POFUT2: variants seen among roughly 807,000 people sequenced by gnomAD.
The protein encoded by POFUT2 is protein O-fucosyltransferase 2, also known as GDP-fucose protein O-fucosyltransferase 2.
Under a neutral mutation model 55.0 loss-of-function variants are expected in POFUT2, and 30 were observed. That is an observed-to-expected ratio of 0.55 (90% CI 0.41 to 0.74). The LOEUF (loss-of-function observed/expected upper bound fraction) is 0.74, where lower values mean the gene tolerates loss of function less well. Ranked by LOEUF, POFUT2 falls within the 30% of genes least tolerant of loss-of-function variation. The pLI is 0.00. For missense variants in POFUT2, 524 were observed against 562.6 expected, an observed-to-expected ratio of 0.93 and a Z score of 0.69; for synonymous variants, 267 against 231.1, an observed-to-expected ratio of 1.16 and a Z score of -1.41.
chr21:45,267,076 G>C lies in POFUT2; in HGVS notation c.1136+514C>G. The C allele has an allele frequency of 9.0e-7, 1 of 1,109,950 alleles. No homozygotes were observed. The highest frequency in any genetic ancestry group is 1.1e-6 in the Non-Finnish European group (1 of 905,370). 68.8% of individuals were successfully genotyped at this position (1,109,950 alleles called of 1,614,324 possible). On this transcript the variant is annotated intron_variant, in intron 8 of 8. Coordinates refer to ENST00000349485, the MANE Select transcript of POFUT2 (RefSeq NM_133635.6). This position sits in a 1 kb window ranked among gnomAD's most constrained non-coding sequence, Gnocchi z 4.4. ...CACGAGGGCCCACGCTCCCGGCCTCGGGGACGCTCACGGCAGCCCCACAAG... is the reference window on the plus strand; with the variant it reads ...CACGAGGGCCCACGCTCCCGGCCTCCGGGACGCTCACGGCAGCCCCACAAG...
At chr21:45,266,394 C>A in intron 8 of POFUT2, 3 of 1,196,484 alleles carry the variant, frequency 2.5e-6, no homozygotes, top group Non-Finnish European at 3.2e-6. Context: ...CCTGCCAGAG[C>A]AGGCCGCGCC....
chr21:45,265,790 C>T lies in POFUT2; in HGVS notation c.1137-155G>A, dbSNP rs1297440353. On this transcript the variant is annotated intron_variant, in intron 8 of 8. Transcript: ENST00000349485. The surrounding 1 kb of genome is among the most constrained non-coding windows in gnomAD (Gnocchi z 4.6). Reference sequence around the variant, plus strand: ...CCCCGAGCACCCACCAGCCGGCCGCCCCCTTGCTGGCACCCCTCGCTCAGG... The same window carrying T: ...CCCCGAGCACCCACCAGCCGGCCGCTCCCTTGCTGGCACCCCTCGCTCAGG... 2.1e-6 allele frequency: 3 copies of T among 1,429,124 alleles called. No homozygotes were observed. In the Admixed American group the frequency reaches 8.6e-5, roughly 41 times the overall value. 88.5% of individuals were successfully genotyped at this position (1,429,124 alleles called of 1,614,324 possible). A position where few individuals can be genotyped will look rare whatever the true frequency, so the allele number is the denominator to read the frequency against.
chr21:45,265,544 T>C lies in POFUT2; in HGVS notation c.1228A>G (p.Arg410Gly). 6.2e-7 allele frequency: 1 copy of C among 1,614,138 alleles called. No homozygotes were observed. The highest frequency in any genetic ancestry group is 2.2e-5 in the East Asian group (1 of 44,880). ...GCCTTCTCTTGGTCTCCGCAGAACC[T>C]GTTGTACGTCGTCTTGGGGTCCAAC... ...LGLDPKTTYN[R>G]FCGDQEKACE... The change falls in exon 9 of 9, where the codon AGG becomes GGG. Residue 410 changes from arginine to glycine, a missense_variant. Arg to Gly is a moderately radical substitution (Grantham distance 125). Coordinates refer to ENST00000349485, the MANE Select transcript of POFUT2 (RefSeq NM_133635.6). The surrounding 1 kb of genome is among the most constrained non-coding windows in gnomAD (Gnocchi z 4.6).
intron 7 of POFUT2, among the ~76,000 whole-genome samples, chr21:45,269,612 C>G (rs1315360605): frequency 6.6e-6 from 1 of 151,818 alleles, no homozygotes; most frequent in Non-Finnish European, 1.5e-5. Context: ...GAGTCATCAC[C>G]AATCCCTAAT....
Position 45,264,063 on chromosome 21 carries a change from G to C in POFUT2, c.*1419C>G, listed in dbSNP as rs546389652. On this transcript the variant is annotated 3_prime_UTR_variant, in exon 9 of 9. Transcript: ENST00000349485. ...ACTGTTTCTAGAACAAATGGAAAAA[G>C]AATAAATATGTCATCATTTACCCTG... 1 of 152,330 alleles carries C rather than the reference G, an allele frequency of 6.6e-6. No individual in the cohort carries two copies. Among genetic ancestry groups the C allele is most frequent in the South Asian group, 2.1e-4 (1 of 4,828 alleles). The allele number at this position is 152,330 out of a possible 1,614,324, so 9.4% of individuals were successfully genotyped here.
At chr21:45,269,577 C>T (rs369124911) in intron 7 of POFUT2, among the ~76,000 whole-genome samples, 4,131 of 151,920 alleles carry the variant, frequency 0.027, 197 homozygotes, top group African/African-American at 0.095. Flanking sequence ...GTTAAACAGA[C>T]GCTTGAAGGC....
At position 45,264,561 on chromosome 21, in the gene POFUT2, G is replaced by GT. The variant is rs1041521276; in HGVS notation, c.*920dup. ...TCCTAGACAGCCTTTTGGAGTTAGCGTAACTGTCCTTCCTCATTTCTAGTT... is the reference window on the plus strand; with the variant it reads ...TCCTAGACAGCCTTTTGGAGTTAGCGTTAACTGTCCTTCCTCATTTCTAGTT... On this transcript the variant is annotated 3_prime_UTR_variant, in exon 9 of 9. Transcript: ENST00000349485. The GT allele has an allele frequency of 1.3e-5, 2 of 152,256 alleles. No homozygotes were observed. The highest frequency in any genetic ancestry group is 4.8e-5 in the African/African-American group (2 of 41,414). 9.4% of individuals were successfully genotyped at this position (152,256 alleles called of 1,614,324 possible).
At chr21:45,275,640 A>C (rs2093256226) in intron 6 of POFUT2, among the ~76,000 whole-genome samples, 1 of 152,256 alleles carries the variant, frequency 6.6e-6, no homozygotes, top group Non-Finnish European at 1.5e-5. Context: ...TAAGTGAAGT[A>C]ACTCAGGAAT....
Position 45,287,747 on chromosome 21 carries a change from C to T in POFUT2, c.125G>A (p.Arg42His), listed in dbSNP as rs1417217181. Residue 42 changes from arginine to histidine, a missense_variant, in exon 1 of 9, where the codon CGC (arginine) becomes CAC (histidine). By Grantham distance (29) the Arg-to-His change is conservative (BLOSUM62 0). Transcript: ENST00000349485. ...ACCGTGGACGCGCGTTTACCGTCTGCGGGAAGCCGCCCCCGACAGAATATC... is the reference window on the plus strand; with the variant it reads ...ACCGTGGACGCGCGTTTACCGTCTGTGGGAAGCCGCCCCCGACAGAATATC... Reference protein sequence around the residue: ...AADILSGAASRRRYLLYDVNP... With the variant: ...AADILSGAASHRRYLLYDVNP... The T allele has an allele frequency of 1.4e-6, 2 of 1,406,632 alleles. No homozygotes were observed. The highest frequency in any genetic ancestry group is 2.7e-5 in the South Asian group (2 of 74,104). 87.1% of individuals were successfully genotyped at this position (1,406,632 alleles called of 1,614,324 possible). A position where few individuals can be genotyped will look rare whatever the true frequency, so the allele number is the denominator to read the frequency against.
At position 45,265,750 on chromosome 21, in the gene POFUT2, A is replaced by G. The variant is rs2093147719; in HGVS notation, c.1137-115T>C. On this transcript the variant is annotated intron_variant, in intron 8 of 8. Transcript: ENST00000349485. The surrounding 1 kb of genome is among the most constrained non-coding windows in gnomAD (Gnocchi z 4.6). The stretch of plus-strand genomic sequence containing the variant: ...GAAATGAGTTCCACAGTTACATGGA[A>G]CCAACACGGCCGTCCCCCGAGCACC... The G allele has an allele frequency of 6.8e-7, 1 of 1,476,842 alleles. No individual in the cohort carries two copies. Among genetic ancestry groups the G allele is most frequent in the East Asian group, 2.4e-5 (1 of 42,252 alleles). The allele number at this position is 1,476,842 out of a possible 1,614,324, so 91.5% of individuals were successfully genotyped here.
In POFUT2 at chr21:45,277,984, A is replaced by T; in HGVS notation, c.705+119T>A. 1.1e-6 allele frequency: 1 copy of T among 904,578 alleles called. No individual in the cohort carries two copies. The highest frequency in any genetic ancestry group is 1.8e-6 in the Non-Finnish European group (1 of 548,410). The allele number at this position is 904,578 out of a possible 1,614,324, so 56.0% of individuals were successfully genotyped here. On this transcript the variant is annotated intron_variant, in intron 5 of 8. Coordinates refer to ENST00000349485, the MANE Select transcript of POFUT2 (RefSeq NM_133635.6). The surrounding 1 kb of genome is among the most constrained non-coding windows in gnomAD (Gnocchi z 6.9). Reference sequence around the variant, plus strand: ...CCGCAGTTGCCCAAATCCATGGCTTAAAATGATGGTTTTAATCAGCAAGGT... The same window carrying T: ...CCGCAGTTGCCCAAATCCATGGCTTTAAATGATGGTTTTAATCAGCAAGGT...
chr21:45,285,281 C>T lies in POFUT2; in HGVS notation c.382+397G>A, dbSNP rs887434888. The T allele has an allele frequency of 4.5e-5, 13 of 286,734 alleles. No individual in the cohort carries two copies. The highest frequency in any genetic ancestry group is 3.5e-4 in the East Asian group (4 of 11,490). The allele number at this position is 286,734 out of a possible 1,614,324, so 17.8% of individuals were successfully genotyped here. A position where few individuals can be genotyped will look rare whatever the true frequency, so the allele number is the denominator to read the frequency against. On this transcript the variant is annotated intron_variant, in intron 2 of 8. Transcript: ENST00000349485. This position sits in a 1 kb window ranked among gnomAD's most constrained non-coding sequence, Gnocchi z 4.9. Reference sequence around the variant, plus strand: ...AAACGAGACAGACCTTTATCCCTGGCGCTGCACTGAGACACCACGAAGCAT... The same window carrying T: ...AAACGAGACAGACCTTTATCCCTGGTGCTGCACTGAGACACCACGAAGCAT...
chr21:45,278,025 G>T, intron 5 of POFUT2, 78 bp downstream of exon 5: 2 of 1,125,924 alleles, frequency 1.8e-6, no homozygotes, highest in Non-Finnish European at 2.7e-6. Flanking sequence ...AAGAGCTGTC[G>T]ACTGTTTTAA....
At position 45,270,990 on chromosome 21, in the gene POFUT2, A is replaced by G. The variant is rs2330101; in HGVS notation, c.832-971T>C. Among the ~76,000 whole-genome samples, 33,347 of 152,154 alleles carry G rather than the reference A, an allele frequency of 0.22. 4,031 individuals carry two copies. Among genetic ancestry groups the G allele is most frequent in the East Asian group, 0.4 (2,066 of 5,176 alleles). On this transcript the variant is annotated intron_variant, in intron 6 of 8. Transcript: ENST00000349485. The surrounding 1 kb of genome is among the most constrained non-coding windows in gnomAD (Gnocchi z 4.6). ...TGATAATATGACAAAACAAGGTTCT[A>G]TAGTACCCCCAAAAGATCATAGTAG... is the stretch of plus-strand genomic sequence containing the variant.
intron 4 of POFUT2, among the ~76,000 whole-genome samples, chr21:45,279,031 T>C (rs2146628006): frequency 6.6e-6 from 1 of 152,204 alleles, no homozygotes. Flanking sequence ...CGTGAGCAAA[T>C]AGACCTGAAT....
intron 8 of POFUT2, chr21:45,266,957 C>G: frequency 9.7e-7 from 1 of 1,027,868 alleles, no homozygotes; most frequent in Non-Finnish European, 1.2e-6. Context: ...GAGGCCCAGG[C>G]GTACCTCCCA....
Position 45,285,527 on chromosome 21 carries a change from G to A in POFUT2, c.382+151C>T. On this transcript the variant is annotated intron_variant, in intron 2 of 8. Transcript: ENST00000349485. The surrounding 1 kb of genome is among the most constrained non-coding windows in gnomAD (Gnocchi z 4.9). ...GACTGTGCTCCTGAACGGAGGAGGT[G>A]CTGCCACAGGCCTCAGGCAGCAGCA... 3 of 869,626 alleles carry A rather than the reference G, an allele frequency of 3.4e-6. No homozygotes were observed. Among genetic ancestry groups the A allele is most frequent in the Non-Finnish European group, 5.6e-6 (3 of 533,544 alleles). The allele number at this position is 869,626 out of a possible 1,614,324, so 53.9% of individuals were successfully genotyped here.
chr21:45,276,067 T>G (rs1429580645), intron 6 of POFUT2, among the ~76,000 whole-genome samples: 2 of 152,068 alleles, frequency 1.3e-5, no homozygotes, highest in Admixed American at 6.5e-5. Context: ...CACGCGCCTG[T>G]GATCCCAGCT....
At position 45,287,849 on chromosome 21, in the gene POFUT2, A is replaced by C; in HGVS notation, c.23T>G (p.Phe8Cys). Residue 8 changes from phenylalanine to cysteine, a missense_variant, in exon 1 of 9, where the codon TTC becomes TGC. Coordinates refer to ENST00000349485, the MANE Select transcript of POFUT2 (RefSeq NM_133635.6). MATLSFV[F>C]LLLGAVSWPP... is the part of the protein sequence containing the mutation. ...CCAGGACACTGCCCCCAGCAGCAGG[A>C]AGACGAAGCTGAGTGTCGCCATGGC... 5 of 1,430,442 alleles carry C rather than the reference A, an allele frequency of 3.5e-6. No individual in the cohort carries two copies. Among genetic ancestry groups the C allele is most frequent in the Non-Finnish European group, 4.6e-6 (5 of 1,083,474 alleles). The allele number at this position is 1,430,442 out of a possible 1,614,324, so 88.6% of individuals were successfully genotyped here. A position where few individuals can be genotyped will look rare whatever the true frequency, so the allele number is the denominator to read the frequency against.
Sources: gnomAD v4.1 joint callset for allele counts (sites outside exome capture counted in the v4.1 genomes callset) on GRCh38, gnomAD v4.1.1 for gene constraint, Gnocchi (gnomAD v3.1) non-coding constraint, MANE v1.5 for transcripts, NCBI Gene and HGNC (gene_info 2026-07-23, HGNC 2026-07-21) for gene names.